Variants in SYN3 observed in about 807,000 individuals in gnomAD.
SYN3 encodes synapsin-3.
SYN3 carries 35 observed loss-of-function variants against 65.8 expected under a neutral mutation model. That is an observed-to-expected ratio of 0.53 (90% CI 0.41 to 0.70). The LOEUF (loss-of-function observed/expected upper bound fraction) is 0.70, where lower values mean the gene tolerates loss of function less well. Among genes scored for constraint, SYN3 ranks in the 30% least tolerant of loss-of-function variants. The pLI is 0.00. For synonymous variants in SYN3, 270 were observed against 292.9 expected (o/e 0.92, Z 0.80); for missense variants, 680 against 749.0 (o/e 0.91, Z 1.08).
At chr22:32,807,373 T>C (rs2046782350) in intron 6 of SYN3, among the ~76,000 whole-genome samples, 1 of 112,174 alleles carries the variant, frequency 8.9e-6, no homozygotes, top group South Asian at 2.5e-4. Flanking sequence ...ATATATATTA[T>C]ATATAATATA....
chr22:32,667,688 C>T (rs1245337893), intron 6 of SYN3, among the ~76,000 whole-genome samples: 2 of 152,094 alleles, frequency 1.3e-5, no homozygotes, highest in Non-Finnish European at 2.9e-5. Flanking sequence ...TATAAGAGAG[C>T]TCTCCTTCTG....
chr22:33,036,004 C>T lies in SYN3; in HGVS notation c.-163+22288G>A, dbSNP rs564173381. ...CACCCAGAGACATCCATAACTGACT[C>T]TTCCTTTACTCCTTTTTTCTCTTCA... On this transcript the variant is annotated intron_variant, in intron 1 of 13. Coordinates refer to ENST00000358763, the MANE Select transcript of SYN3 (RefSeq NM_003490.4). Among the ~76,000 whole-genome samples the T allele has an allele frequency of 5.3e-5, 8 of 152,288 alleles. No homozygotes were observed. In the South Asian group the frequency reaches 1.5e-3, roughly 28 times the overall value.
chr22:32,737,131 A>G (rs1299345808), intron 6 of SYN3, among the ~76,000 whole-genome samples: 3 of 152,200 alleles, frequency 2.0e-5, no homozygotes, highest in Non-Finnish European at 4.4e-5. Context: ...CTCCCAATCC[A>G]ACTAATTTTT....
At chr22:32,631,960 C>T (rs1368103736) in intron 6 of SYN3, among the ~76,000 whole-genome samples, 1 of 152,204 alleles carries the variant, frequency 6.6e-6, no homozygotes, top group Admixed American at 6.5e-5. Context: ...TTGCCTTTGG[C>T]TCTTAGATTG....
intron 4 of SYN3, among the ~76,000 whole-genome samples, chr22:32,921,436 C>A (rs949085019): frequency 1.1e-4 from 17 of 152,124 alleles, no homozygotes; most frequent in African/African-American, 3.9e-4. Context: ...CACTCTGCAC[C>A]CTGGAGAAAT....
At chr22:32,688,832 G>T (rs1183359450) in intron 6 of SYN3, among the ~76,000 whole-genome samples, 1 of 152,062 alleles carries the variant, frequency 6.6e-6, no homozygotes, top group Non-Finnish European at 1.5e-5. Context: ...TCCTGAAGCA[G>T]TCCTCAGCGG....
intron 3 of SYN3, among the ~76,000 whole-genome samples, chr22:32,965,659 T>G (rs953551731): frequency 1.3e-5 from 2 of 152,120 alleles, no homozygotes; most frequent in African/African-American, 2.4e-5. Flanking sequence ...GATGTTAAGT[T>G]CCATCAGGTA....
chr22:32,599,030 T>G (rs181170039), intron 6 of SYN3, among the ~76,000 whole-genome samples: 2 of 152,266 alleles, frequency 1.3e-5, no homozygotes, highest in East Asian at 3.9e-4. Flanking sequence ...ATCCTCAGAC[T>G]GCTAACAGTT....
At chr22:32,610,857 T>C (rs1003443076) in intron 6 of SYN3, among the ~76,000 whole-genome samples, 1 of 152,192 alleles carries the variant, frequency 6.6e-6, no homozygotes, top group Non-Finnish European at 1.5e-5. Context: ...GCTGGGATTA[T>C]AGGCATGAGC....
At chr22:32,960,470 C>T (rs781605128) in intron 3 of SYN3, among the ~76,000 whole-genome samples, 5 of 152,190 alleles carry the variant, frequency 3.3e-5, no homozygotes, top group Non-Finnish European at 5.9e-5. Context: ...CCTCTGTCTA[C>T]GAACAATCAT....
intron 6 of SYN3, among the ~76,000 whole-genome samples, chr22:32,636,721 C>T (rs1354057169): frequency 3.3e-5 from 5 of 152,154 alleles, no homozygotes; most frequent in African/African-American, 1.2e-4. Context: ...CTGAGAGCCC[C>T]AGAAAGAGAA....
intron 6 of SYN3, among the ~76,000 whole-genome samples, chr22:32,811,705 T>C (rs184791733): frequency 4.6e-5 from 7 of 152,300 alleles, no homozygotes; most frequent in Middle Eastern, 6.8e-3. Context: ...GGGTCGGTCA[T>C]AGTTCCTAGT....
chr22:32,877,101 A>G (rs1212725763), intron 4 of SYN3, among the ~76,000 whole-genome samples: 1 of 152,134 alleles, frequency 6.6e-6, no homozygotes, highest in African/African-American at 2.4e-5. Flanking sequence ...CTCTGGCCCC[A>G]ATTCCAATGT....
At chr22:32,916,835 A>T (rs9609654) in intron 4 of SYN3, among the ~76,000 whole-genome samples, 20,276 of 152,246 alleles carry the variant, frequency 0.13, 1,899 homozygotes, top group East Asian at 0.46. Flanking sequence ...GCCCTCAGGA[A>T]GCAGATGGAC....
intron 3 of SYN3, among the ~76,000 whole-genome samples, chr22:32,939,650 T>A (rs1419253766): frequency 2.0e-5 from 3 of 152,226 alleles, no homozygotes; most frequent in Non-Finnish European, 4.4e-5. Context: ...TTCTTTCATA[T>A]CTGTGATTCA....
intron 7 of SYN3, among the ~76,000 whole-genome samples, chr22:32,569,349 A>G (rs1489722871): frequency 6.6e-6 from 1 of 151,232 alleles, no homozygotes; most frequent in Non-Finnish European, 1.5e-5. Flanking sequence ...CATCCAAAAT[A>G]TATCTATCTA....
intron 4 of SYN3, among the ~76,000 whole-genome samples, chr22:32,907,907 T>A (rs992557691): frequency 6.6e-6 from 1 of 152,112 alleles, no homozygotes; most frequent in Non-Finnish European, 1.5e-5. Flanking sequence ...TTAAGTGCCT[T>A]ATAGTATTAT....
At chr22:32,636,647 G>A (rs1476336381) in intron 6 of SYN3, among the ~76,000 whole-genome samples, 1 of 152,096 alleles carries the variant, frequency 6.6e-6, no homozygotes, top group Non-Finnish European at 1.5e-5. Flanking sequence ...GTTGGAACTG[G>A]GCAGAAAACT....
chr22:32,543,546 C>T (rs564746827), intron 7 of SYN3, among the ~76,000 whole-genome samples: 1 of 152,284 alleles, frequency 6.6e-6, no homozygotes, highest in African/African-American at 2.4e-5. Flanking sequence ...CCCTATTTTC[C>T]AGCCCTTTTC....
Sources: allele counts gnomAD v4.1 joint callset (sites outside exome capture counted in the v4.1 genomes callset), GRCh38; gene constraint gnomAD v4.1.1; transcripts MANE v1.5; gene names NCBI Gene and HGNC (gene_info 2026-07-23, HGNC 2026-07-21).